FRAS1: variants seen among roughly 807,000 people sequenced by gnomAD.
The protein encoded by FRAS1 is Fraser extracellular matrix complex subunit 1.
A neutral mutation model predicts 435.2 loss-of-function variants in FRAS1; 290 were observed. The ratio of observed to expected loss-of-function variants is 0.67; its 90% CI spans 0.61 to 0.73. The LOEUF is 0.73. FRAS1 is among the 30% of genes least tolerant of loss of function. The probability of loss-of-function intolerance (pLI) is 0.00; values close to 1 mark genes in which losing one functional copy is unlikely to be tolerated. For synonymous variants in FRAS1, 1,800 were observed against 1,851.0 expected, an observed-to-expected ratio of 0.97 and a Z score of 0.71; for missense variants, 4,860 against 5,001.5, an observed-to-expected ratio of 0.97 and a Z score of 0.85.
intron 14 of FRAS1, among the ~76,000 whole-genome samples, chr4:78,290,973 C>A (rs979465446): frequency 4.0e-5 from 6 of 151,780 alleles, no homozygotes; most frequent in African/African-American, 1.5e-4. Flanking sequence ...ACCATGTTGG[C>A]CAGGCTAGTC....
chr4:78,304,161 T>C (rs965662900), intron 14 of FRAS1, among the ~76,000 whole-genome samples: 47 of 150,294 alleles, frequency 3.1e-4, no homozygotes, highest in African/African-American at 1.1e-3. Flanking sequence ...ATTACATTTA[T>C]TGATTTGCTT....
intron 2 of FRAS1, among the ~76,000 whole-genome samples, chr4:78,115,301 G>T (rs1052751251): frequency 4.6e-5 from 7 of 151,986 alleles, no homozygotes; most frequent in Non-Finnish European, 7.4e-5. Context: ...TTTTTTTGTT[G>T]TGTCTCTGCC....
rs1177760548 is a variant in FRAS1, at chr4:78,337,720, C to T, written c.2325C>T (p.Asp775=). The T allele has an allele frequency of 1.2e-6, 2 of 1,614,000 alleles. No individual in the cohort carries two copies. The highest frequency in any genetic ancestry group is 2.2e-5 in the South Asian group (2 of 91,076). Residue 775 remains aspartate (D), a synonymous_variant, in exon 20 of 74, where the codon GAC becomes GAT. Coordinates refer to ENST00000512123, the MANE Select transcript of FRAS1 (RefSeq NM_025074.7). Reference sequence around the variant, plus strand: ...AGTGTCATGGGCCGTTGGAGTCTGACTGCATCTCCTGTTACCCTCACATCT... The same window carrying T: ...AGTGTCATGGGCCGTTGGAGTCTGATTGCATCTCCTGTTACCCTCACATCT... ...CRQCHGPLES[D]CISCYPHISL...
At chr4:78,059,180 G>A (rs967278716) in intron 1 of FRAS1, among the ~76,000 whole-genome samples, 2 of 152,178 alleles carry the variant, frequency 1.3e-5, no homozygotes, top group African/African-American at 4.8e-5. Context: ...GCGCGGGGCG[G>A]CTCCCGGGAG....
chr4:78,276,019 T>C (rs1578222350), intron 9 of FRAS1, among the ~76,000 whole-genome samples: 2 of 152,352 alleles, frequency 1.3e-5, no homozygotes, highest in East Asian at 1.9e-4. Context: ...CATTTCTTTT[T>C]ATTCTTTTTT....
intron 60 of FRAS1, 101 bp from the exon 61 acceptor site, chr4:78,499,620 T>G: frequency 8.9e-7 from 1 of 1,120,988 alleles, no homozygotes; most frequent in South Asian, 1.6e-5. Flanking sequence ...TGTTAACTAA[T>G]GTGAACAATT....
intron 18 of FRAS1, among the ~76,000 whole-genome samples, chr4:78,323,114 C>CA (rs898549452): frequency 2.0e-5 from 3 of 151,708 alleles, no homozygotes; most frequent in Non-Finnish European, 4.4e-5. Context: ...TTTGGCTCTT[C>CA]AAAAAAAATG....
chr4:78,463,338 T>A (rs998558214), intron 47 of FRAS1, among the ~76,000 whole-genome samples: 4 of 152,124 alleles, frequency 2.6e-5, no homozygotes, highest in African/African-American at 4.8e-5. Flanking sequence ...AAAAAATGAT[T>A]TTTTCTCTAT....
intron 4 of FRAS1, 75 bp downstream of exon 4, chr4:78,245,400 G>T: frequency 9.6e-7 from 1 of 1,046,964 alleles, no homozygotes; most frequent in South Asian, 1.4e-5. Flanking sequence ...TGTTAAACTT[G>T]TGTTGATGAG....
At chr4:78,281,282 A>G (rs747377099) in intron 10 of FRAS1, 116 bp from the exon 11 acceptor site, 2 of 652,854 alleles carry the variant, frequency 3.1e-6, no homozygotes, top group Non-Finnish European at 5.3e-6. Flanking sequence ...ATTCATAACC[A>G]GTGAATAAAG....
intron 2 of FRAS1, among the ~76,000 whole-genome samples, chr4:78,235,532 A>G (rs978778854): frequency 1.3e-5 from 2 of 152,212 alleles, no homozygotes; most frequent in African/African-American, 4.8e-5. Context: ...TTCATTAAGC[A>G]ACTTAGGAAC....
chr4:78,463,875 A>G (rs887949444), intron 47 of FRAS1, 146 bp from the exon 48 acceptor site: 2 of 854,228 alleles, frequency 2.3e-6, no homozygotes, highest in South Asian at 3.3e-5. Context: ...AACTCTAACA[A>G]CAAGGTCCTC....
intron 70 of FRAS1, among the ~76,000 whole-genome samples, chr4:78,528,411 T>C (rs1311680400): frequency 1.3e-5 from 2 of 152,226 alleles, no homozygotes; most frequent in African/African-American, 4.8e-5. Flanking sequence ...TTGTAGTTCC[T>C]CCTTCACATC....
At chr4:78,135,336 T>C (rs1435801709) in intron 2 of FRAS1, among the ~76,000 whole-genome samples, 1 of 152,190 alleles carries the variant, frequency 6.6e-6, no homozygotes, top group Non-Finnish European at 1.5e-5. Context: ...ATCCTCCTAG[T>C]AGGAGTTTCA....
chr4:78,448,415 A>C, intron 44 of FRAS1, 99 bp downstream of exon 44: 2 of 1,133,728 alleles, frequency 1.8e-6, no homozygotes, highest in Middle Eastern at 3.0e-4. Context: ...ATGTGGGTGC[A>C]TCTTAAAGTA....
chr4:78,354,023 T>TTAAAAAAAAAAAAAAAAA (rs1730745728), intron 20 of FRAS1, among the ~76,000 whole-genome samples: 1 of 105,958 alleles, frequency 9.4e-6, no homozygotes, highest in Admixed American at 1.1e-4. Context: ...AAAAATAAAA[T>TTAAAAAAAAAAAAAAAAA]AAAAAAAAAA....
intron 13 of FRAS1, chr4:78,286,152 A>G: frequency 1.7e-6 from 1 of 595,916 alleles, no homozygotes; most frequent in Non-Finnish European, 3.1e-6. Flanking sequence ...TCATCTGTAA[A>G]GTTGGGATTA....
At chr4:78,226,010 T>G (rs1431886567) in intron 2 of FRAS1, among the ~76,000 whole-genome samples, 1 of 152,182 alleles carries the variant, frequency 6.6e-6, no homozygotes, top group African/African-American at 2.4e-5. Flanking sequence ...TTTTAAATAT[T>G]TCAGTTCATT....
At chr4:78,265,134 G>T (rs1410839617) in intron 7 of FRAS1, 26 bp downstream of exon 7, 1 of 1,543,162 alleles carries the variant, frequency 6.5e-7, no homozygotes, top group Non-Finnish European at 8.9e-7. Flanking sequence ...CCCCATGTAG[G>T]TGTTTTGACA....
Sources: allele counts gnomAD v4.1 joint callset (sites outside exome capture counted in the v4.1 genomes callset), GRCh38; gene constraint gnomAD v4.1.1; transcripts MANE v1.5; gene names NCBI Gene and HGNC (gene_info 2026-07-23, HGNC 2026-07-21).